Variants in POU6F2 observed in about 807,000 individuals in gnomAD.
POU6F2 encodes the protein POU class 6 homeobox 2.
POU6F2 carries 31 observed loss-of-function variants against 71.3 expected under a neutral mutation model. The ratio of observed to expected loss-of-function variants is 0.43; its 90% CI spans 0.33 to 0.59. The LOEUF (loss-of-function observed/expected upper bound fraction) is 0.59, where lower values mean the gene tolerates loss of function less well. Ranked by LOEUF, POU6F2 falls within the 20% of genes least tolerant of loss-of-function variation. The pLI, the probability that POU6F2 is intolerant of heterozygous loss-of-function variation, is 0.04. For synonymous variants in POU6F2, 347 were observed against 355.7 expected (o/e 0.98, Z 0.27); for missense variants, 783 against 856.8 (o/e 0.91, Z 1.07).
intron 6 of POU6F2, among the ~76,000 whole-genome samples, chr7:39,432,295 C>A (rs1336523323): frequency 3.9e-5 from 6 of 152,170 alleles, no homozygotes; most frequent in African/African-American, 1.4e-4. Flanking sequence ...CCAAGCCCCT[C>A]ACCTTTAGGC....
chr7:39,426,557 G>A (rs973198457), intron 6 of POU6F2, among the ~76,000 whole-genome samples: 1 of 151,866 alleles, frequency 6.6e-6, no homozygotes, highest in East Asian at 1.9e-4. Context: ...CACTCTCTTT[G>A]TGTCTCCCTC....
At chr7:39,066,082 A>G (rs1790748752) in intron 1 of POU6F2, among the ~76,000 whole-genome samples, 1 of 151,808 alleles carries the variant, frequency 6.6e-6, no homozygotes, top group Non-Finnish European at 1.5e-5. Context: ...GTTAACTCAG[A>G]ATATTCCTGG....
chr7:39,417,741 TA>T (rs1204703305), intron 6 of POU6F2, among the ~76,000 whole-genome samples: 1 of 152,200 alleles, frequency 6.6e-6, no homozygotes, highest in Non-Finnish European at 1.5e-5. Context: ...AATGTCCATG[TA>T]CTCACATGAA....
At chr7:39,190,403 C>T (rs1323629570) in intron 2 of POU6F2, among the ~76,000 whole-genome samples, 1 of 137,130 alleles carries the variant, frequency 7.3e-6, no homozygotes, top group Non-Finnish European at 1.5e-5. Flanking sequence ...TCCTTTTCCT[C>T]CTCCTCCTTT....
intron 2 of POU6F2, among the ~76,000 whole-genome samples, chr7:39,121,838 A>G (rs912645984): frequency 1.3e-5 from 2 of 152,182 alleles, no homozygotes; most frequent in Admixed American, 1.3e-4. Context: ...AGCTGAGACT[A>G]GAGGCATGTG....
intron 2 of POU6F2, among the ~76,000 whole-genome samples, chr7:39,164,925 T>A (rs986892441): frequency 6.6e-6 from 1 of 152,164 alleles, no homozygotes; most frequent in Non-Finnish European, 1.5e-5. Context: ...ATTAGGTACA[T>A]TAGATATGGT....
At chr7:39,117,758 A>T (rs1406976792) in intron 2 of POU6F2, among the ~76,000 whole-genome samples, 2 of 152,140 alleles carry the variant, frequency 1.3e-5, no homozygotes, top group Admixed American at 6.5e-5. Flanking sequence ...AAAACCTATA[A>T]AAAGCAGTCA....
In POU6F2 at chr7:39,454,655, GATATATATATATAT is replaced by G. The variant is rs70977474; in HGVS notation, c.1489+3014_1489+3027del. On this transcript the variant is annotated intron_variant, in intron 8 of 9. Transcript: ENST00000518318. ...CCAGGAACCAAGGATGAAGACCAGGGATATATATATATATATATATATATATATATATATATATA... is the reference window on the plus strand; with the variant it reads ...CCAGGAACCAAGGATGAAGACCAGGGATATATATATATATATATATATATA... 2.4e-3 allele frequency among the ~76,000 whole-genome samples: 150 copies of G among 63,286 alleles called. 6 individuals are homozygous for G. The highest frequency in any genetic ancestry group is 0.011 in the Middle Eastern group (1 of 92). The allele number at this position is 63,286 out of a possible 152,430, so 41.5% of individuals were successfully genotyped here. A position where few individuals can be genotyped will look rare whatever the true frequency, so the allele number is the denominator to read the frequency against.
intron 4 of POU6F2, among the ~76,000 whole-genome samples, chr7:39,292,497 C>G (rs778244320): frequency 1.6e-4 from 25 of 152,172 alleles, no homozygotes; most frequent in Non-Finnish European, 2.6e-4. Flanking sequence ...CGTAAATCAA[C>G]AGGGGTGAAA....
At chr7:39,326,146 A>C (rs1464072510) in intron 4 of POU6F2, among the ~76,000 whole-genome samples, 3 of 152,210 alleles carry the variant, frequency 2.0e-5, no homozygotes, top group Non-Finnish European at 4.4e-5. Flanking sequence ...GAATGTGAGC[A>C]CTTTTTTGAG....
At chr7:39,387,060 A>G (rs1156609523) in intron 5 of POU6F2, among the ~76,000 whole-genome samples, 1 of 152,200 alleles carries the variant, frequency 6.6e-6, no homozygotes, top group Non-Finnish European at 1.5e-5. Flanking sequence ...ACCCTGTGGT[A>G]GGTTGAACTG....
At chr7:39,377,422 T>C (rs1237831786) in intron 5 of POU6F2, among the ~76,000 whole-genome samples, 1 of 152,216 alleles carries the variant, frequency 6.6e-6, no homozygotes, top group East Asian at 1.9e-4. Flanking sequence ...TGAGCCACCA[T>C]GCACGGCCTA....
At chr7:39,355,112 C>T (rs886699206) in intron 5 of POU6F2, among the ~76,000 whole-genome samples, 19 of 152,166 alleles carry the variant, frequency 1.2e-4, no homozygotes, top group African/African-American at 4.6e-4. Flanking sequence ...GTCATGGAAA[C>T]AGGCTGGCCC....
At chr7:39,444,861 T>C (rs1479643231) in intron 7 of POU6F2, among the ~76,000 whole-genome samples, 3 of 152,092 alleles carry the variant, frequency 2.0e-5, no homozygotes, top group Non-Finnish European at 4.4e-5. Flanking sequence ...TTATTCTCCT[T>C]TTGACTAAAT....
chr7:39,249,304 T>A (rs1186598623), intron 4 of POU6F2, among the ~76,000 whole-genome samples: 3 of 152,232 alleles, frequency 2.0e-5, no homozygotes, highest in African/African-American at 7.2e-5. Flanking sequence ...ACTTAACAGA[T>A]GCTATTAGCA....
At chr7:39,426,298 C>G (rs1787970213) in intron 6 of POU6F2, among the ~76,000 whole-genome samples, 1 of 152,212 alleles carries the variant, frequency 6.6e-6, no homozygotes, top group Admixed American at 6.5e-5. Context: ...CCAGCTGAGA[C>G]CTTTCATTGT....
At chr7:39,455,409 C>T (rs1001215956) in intron 8 of POU6F2, among the ~76,000 whole-genome samples, 1 of 152,200 alleles carries the variant, frequency 6.6e-6, no homozygotes, top group Non-Finnish European at 1.5e-5. Flanking sequence ...CCAAAGAGGT[C>T]ACCATATTGC....
At chr7:39,302,564 G>A (rs907937344) in intron 4 of POU6F2, among the ~76,000 whole-genome samples, 1 of 152,160 alleles carries the variant, frequency 6.6e-6, no homozygotes, top group African/African-American at 2.4e-5. Context: ...GAAGATAGAG[G>A]CTATGTCTTA....
At chr7:39,273,043 C>T (rs1165956427) in intron 4 of POU6F2, among the ~76,000 whole-genome samples, 2 of 152,040 alleles carry the variant, frequency 1.3e-5, no homozygotes, top group Non-Finnish European at 2.9e-5. Flanking sequence ...TTGCAGGATA[C>T]TAGCCAAGAA....
Sources: allele counts gnomAD v4.1 joint callset (sites outside exome capture counted in the v4.1 genomes callset), GRCh38; gene constraint gnomAD v4.1.1; transcripts MANE v1.5; gene names NCBI Gene and HGNC (gene_info 2026-07-23, HGNC 2026-07-21).